The following FOXO3 variants were observed in gnomAD, a reference collection of about 807,000 sequenced individuals.
FOXO3 encodes the protein forkhead box protein O3.
FOXO3 carries 4 observed loss-of-function variants against 41.9 expected under a neutral mutation model. That is an observed-to-expected ratio of 0.10 (90% CI 0.05 to 0.22). The LOEUF (loss-of-function observed/expected upper bound fraction) is 0.22, where lower values mean the gene tolerates loss of function less well. FOXO3 is among the 10% of genes least tolerant of loss of function. FOXO3 has a pLI of 1.00. For synonymous variants in FOXO3, 318 were observed against 389.3 expected (o/e 0.82, Z 2.16); for missense variants, 534 against 906.8 (o/e 0.59, Z 5.28).
chr6:108,654,850 TTA>T (rs759390539), intron 1 of FOXO3, among the ~76,000 whole-genome samples: 67 of 152,202 alleles, frequency 4.4e-4, no homozygotes, highest in African/African-American at 1.5e-3. Flanking sequence ...ACATGAAAGT[TTA>T]TGTTTTCTTC....
Position 108,663,692 on chromosome 6 carries a change from C to A in FOXO3, c.859C>A (p.Gln287Lys). The A allele has an allele frequency of 6.2e-7, 1 of 1,613,340 alleles. No homozygotes were observed. The highest frequency in any genetic ancestry group is 2.2e-5 in the East Asian group (1 of 44,824). Residue 287 changes from glutamine to lysine, a missense_variant, in exon 2 of 3, where the codon CAG (glutamine) becomes AAG (lysine). Gln to Lys is a moderately conservative substitution (Grantham distance 53). This residue lies in a region of FOXO3 where 185 missense variants were observed against 224.9 expected (regional missense o/e 0.82). Transcript: ENST00000406360. ...APESADDSPS[Q>K]LSKWPGSPTS... ...CGAATCAGCTGACGACAGTCCCTCC[C>A]AGCTCTCCAAGTGGCCTGGCAGCCC...
chr6:108,673,940 GAGTAGCA>G (rs1200518518), intron 2 of FOXO3, among the ~76,000 whole-genome samples: 1 of 152,190 alleles, frequency 6.6e-6, no homozygotes, highest in African/African-American at 2.4e-5. Context: ...TTGAAACTTA[GAGTAGCA>G]AGACTCTTAA....
chr6:108,567,729 G>GT (rs1431235881), intron 1 of FOXO3, among the ~76,000 whole-genome samples: 2 of 152,088 alleles, frequency 1.3e-5, no homozygotes, highest in African/African-American at 4.8e-5. Context: ...GGGCAACAAA[G>GT]TGAGACCTCG....
chr6:108,661,601 T>C (rs1778867373), intron 1 of FOXO3, among the ~76,000 whole-genome samples: 1 of 152,236 alleles, frequency 6.6e-6, no homozygotes, highest in Non-Finnish European at 1.5e-5. Flanking sequence ...ATAGCATGAC[T>C]GGCTTCTGAA....
intron 1 of FOXO3, among the ~76,000 whole-genome samples, chr6:108,636,526 AGAGT>A (rs936165313): frequency 4.5e-4 from 69 of 152,068 alleles, no homozygotes; most frequent in African/African-American, 1.6e-3. Context: ...CAAGCATCTT[AGAGT>A]GTTTTTTCAG....
chr6:108,662,144 T>A (rs755488901), intron 1 of FOXO3, among the ~76,000 whole-genome samples: 113 of 152,296 alleles, frequency 7.4e-4, no homozygotes, highest in Non-Finnish European at 1.3e-3. Flanking sequence ...GCTGTGACTA[T>A]TTTGAGAAGT....
chr6:108,626,058 G>C (rs1390700794), intron 1 of FOXO3, among the ~76,000 whole-genome samples: 1 of 152,182 alleles, frequency 6.6e-6, no homozygotes, highest in Non-Finnish European at 1.5e-5. Flanking sequence ...AGAGGAAATA[G>C]TCTGAGGCTA....
chr6:108,678,395 A>G (rs1770702723), intron 2 of FOXO3, among the ~76,000 whole-genome samples: 1 of 152,068 alleles, frequency 6.6e-6, no homozygotes, highest in Non-Finnish European at 1.5e-5. Context: ...TTTCTTTACT[A>G]CCATAACTGC....
At chr6:108,615,373 T>C (rs1419885971) in intron 1 of FOXO3, among the ~76,000 whole-genome samples, 1 of 152,144 alleles carries the variant, frequency 6.6e-6, no homozygotes, top group Non-Finnish European at 1.5e-5. Flanking sequence ...TTAATAGGTA[T>C]AAATTTCTAG....
intron 1 of FOXO3, among the ~76,000 whole-genome samples, chr6:108,607,109 G>A (rs531699101): frequency 6.6e-6 from 1 of 152,144 alleles, no homozygotes; most frequent in Non-Finnish European, 1.5e-5. Flanking sequence ...CTGAAAGGTC[G>A]TACTTAGGAG....
chr6:108,560,792 T>C (rs999672296), upstream of FOXO3: 5 of 257,854 alleles, frequency 1.9e-5, no homozygotes, highest in East Asian at 7.5e-5. Context: ...CGGGCGCCCC[T>C]CCCCCTTCTC....
intron 1 of FOXO3, among the ~76,000 whole-genome samples, chr6:108,583,596 A>G (rs1293121408): frequency 6.6e-6 from 1 of 152,172 alleles, no homozygotes; most frequent in Non-Finnish European, 1.5e-5. Flanking sequence ...GTACACTTGG[A>G]TATCTTTTAT....
chr6:108,642,914 G>T (rs1778298373), intron 1 of FOXO3, among the ~76,000 whole-genome samples: 1 of 152,190 alleles, frequency 6.6e-6, no homozygotes, highest in South Asian at 2.1e-4. Context: ...CTAATTCATT[G>T]TCAACTAATG....
chr6:108,598,393 G>T (rs1361022717), intron 1 of FOXO3, among the ~76,000 whole-genome samples: 1 of 152,146 alleles, frequency 6.6e-6, no homozygotes, highest in Non-Finnish European at 1.5e-5. Flanking sequence ...GTAGGGTGGG[G>T]ATGACAGGGG....
chr6:108,657,532 AG>A (rs1238656993), intron 1 of FOXO3, among the ~76,000 whole-genome samples: 1 of 152,220 alleles, frequency 6.6e-6, no homozygotes, highest in Non-Finnish European at 1.5e-5. Flanking sequence ...CCTGCCTCAA[AG>A]GGTATAGCAA....
rs185858649 is a variant in FOXO3, at chr6:108,655,208, G to C, written c.622-8247G>C. Among the ~76,000 whole-genome samples the C allele has an allele frequency of 1.5e-3, 221 of 152,268 alleles. 3 individuals carry two copies. The highest frequency in any genetic ancestry group is 5.1e-3 in the African/African-American group (213 of 41,540). On this transcript the variant is annotated intron_variant, in intron 1 of 2. Transcript: ENST00000406360. ...GCAGAATGAGGTGACTGTCCCCAAG[G>C]CAGGGTAAGGTCAAGGATCTTTCCC...
intron 1 of FOXO3, among the ~76,000 whole-genome samples, chr6:108,660,999 G>T (rs918137249): frequency 2.1e-4 from 32 of 152,300 alleles, no homozygotes; most frequent in Admixed American, 1.2e-3. Flanking sequence ...GGCAGAGCTT[G>T]CAGTGAGCCG....
rs1462091079 is a variant in FOXO3, at chr6:108,683,313, C to G, written c.*3521C>G. 6.6e-6 allele frequency: 1 copy of G among 152,112 alleles called. No individual in the cohort carries two copies. The highest frequency in any genetic ancestry group is 1.5e-5 in the Non-Finnish European group (1 of 68,046). 9.4% of individuals were successfully genotyped at this position (152,112 alleles called of 1,614,324 possible). On this transcript the variant is annotated 3_prime_UTR_variant, in exon 3 of 3. Transcript: ENST00000406360. ...TCAGGGTGTGATTTCAGGTGGCTTC[C>G]AAACTTGTACGCAGTTTAAAGATGG...
At chr6:108,678,555 A>C (rs937218880) in intron 2 of FOXO3, among the ~76,000 whole-genome samples, 2 of 151,454 alleles carry the variant, frequency 1.3e-5, no homozygotes, top group African/African-American at 4.9e-5. Flanking sequence ...ACATCTGATA[A>C]GACTTGTATA....
Sources: allele counts gnomAD v4.1 joint callset (sites outside exome capture counted in the v4.1 genomes callset), GRCh38; gene constraint gnomAD v4.1.1; regional missense constraint gnomAD v4.1.1; transcripts MANE v1.5; gene names NCBI Gene and HGNC (gene_info 2026-07-23, HGNC 2026-07-21).